The following TENM2 variants were observed in gnomAD, a reference collection of about 807,000 sequenced individuals.
TENM2 encodes teneurin-2.
Under a neutral mutation model 245.2 loss-of-function variants are expected in TENM2, and 52 were observed. The observed-to-expected ratio is 0.21, with a 90% confidence interval of 0.17 to 0.27. TENM2 has a LOEUF of 0.27. Among genes scored for constraint, TENM2 ranks in the 10% least tolerant of loss-of-function variants. The pLI, the probability that TENM2 is intolerant of heterozygous loss-of-function variation, is 1.00. For synonymous variants in TENM2, 1,363 were observed against 1,438.9 expected, an observed-to-expected ratio of 0.95 and a Z score of 1.19; for missense variants, 3,046 against 3,666.8, an observed-to-expected ratio of 0.83 and a Z score of 4.37.
the TENM2 span, among the ~76,000 whole-genome samples, chr5:167,113,435 A>T: frequency 6.6e-6 from 1 of 151,954 alleles, no homozygotes; most frequent in Non-Finnish European, 1.5e-5. Flanking sequence ...GAGCCTAGGA[A>T]TTGGAAACCA....
At chr5:167,575,132 A>AC (rs397999854) in intron 2 of TENM2, among the ~76,000 whole-genome samples, 2 of 151,328 alleles carry the variant, frequency 1.3e-5, no homozygotes, top group Admixed American at 6.6e-5. Flanking sequence ...AAAAAAAAAA[A>AC]CAACCCAAAC....
chr5:167,484,014 T>C (rs1014435150), intron 2 of TENM2, among the ~76,000 whole-genome samples: 7 of 152,266 alleles, frequency 4.6e-5, no homozygotes, highest in Middle Eastern at 3.4e-3. Context: ...CATGTACATA[T>C]ATGTATGTCT....
chr5:168,206,190 T>C (rs763908877), intron 19 of TENM2, among the ~76,000 whole-genome samples: 1 of 152,186 alleles, frequency 6.6e-6, no homozygotes, highest in African/African-American at 2.4e-5. Context: ...TTTGAGAGTC[T>C]CTGAGGCCCT....
chr5:167,283,790 T>A (rs751351844), upstream of TENM2, among the ~76,000 whole-genome samples: 4 of 152,266 alleles, frequency 2.6e-5, no homozygotes, highest in South Asian at 8.3e-4. Flanking sequence ...AGCCTATGAT[T>A]TGGAACTTGG....
the TENM2 span, among the ~76,000 whole-genome samples, chr5:167,216,603 A>T: frequency 6.6e-6 from 1 of 152,212 alleles, no homozygotes; most frequent in South Asian, 2.1e-4. Context: ...GCAGCCAGAT[A>T]GCAGATATCT....
At chr5:168,123,493 G>T (rs1244804010) in intron 10 of TENM2, among the ~76,000 whole-genome samples, 2 of 152,234 alleles carry the variant, frequency 1.3e-5, no homozygotes, top group Non-Finnish European at 2.9e-5. Context: ...TGTGGAAGGA[G>T]AGAAAACAAA....
At chr5:167,373,151 T>C (rs941709264) in intron 1 of TENM2, among the ~76,000 whole-genome samples, 2 of 152,224 alleles carry the variant, frequency 1.3e-5, no homozygotes, top group African/African-American at 4.8e-5. Flanking sequence ...TGTATAGAAT[T>C]GGGCTTGATT....
intron 2 of TENM2, among the ~76,000 whole-genome samples, chr5:167,591,081 T>A (rs1775846853): frequency 6.6e-6 from 1 of 152,208 alleles, no homozygotes. Flanking sequence ...GCAAGAGAGT[T>A]CTCATTGCTC....
the TENM2 span, among the ~76,000 whole-genome samples, chr5:167,249,217 A>G: frequency 5.1e-4 from 78 of 152,314 alleles, no homozygotes; most frequent in African/African-American, 1.8e-3. Context: ...TTCAAATTGA[A>G]ACATTGTTGA....
intron 2 of TENM2, among the ~76,000 whole-genome samples, chr5:167,435,198 G>A (rs754390258): frequency 2.0e-5 from 3 of 152,170 alleles, no homozygotes; most frequent in Admixed American, 6.5e-5. Flanking sequence ...GGAGAATACT[G>A]TGTAGTCAAT....
chr5:167,035,463 G>A, the TENM2 span, among the ~76,000 whole-genome samples: 1 of 152,196 alleles, frequency 6.6e-6, no homozygotes, highest in Non-Finnish European at 1.5e-5. Context: ...ATTATTTGAT[G>A]TTAGCCACTG....
the TENM2 span, among the ~76,000 whole-genome samples, chr5:166,994,423 A>T: frequency 6.6e-6 from 1 of 152,160 alleles, no homozygotes; most frequent in South Asian, 2.1e-4. Flanking sequence ...TTTGGGGCTG[A>T]GTATTTCAGG....
intron 2 of TENM2, among the ~76,000 whole-genome samples, chr5:167,760,650 T>C (rs971157529): frequency 6.6e-6 from 1 of 152,042 alleles, no homozygotes; most frequent in African/African-American, 2.4e-5. Flanking sequence ...CTTGTTATTG[T>C]TGTTGTTGCT....
chr5:167,099,107 C>A, the TENM2 span, among the ~76,000 whole-genome samples: 1 of 152,128 alleles, frequency 6.6e-6, no homozygotes, highest in Admixed American at 6.6e-5. Flanking sequence ...TGAAGCCTGA[C>A]CAACTAGCCT....
In TENM2 at chr5:168,223,631, T is replaced by TA. The variant is rs908817494; in HGVS notation, c.5109-2455dup. On this transcript the variant is annotated intron_variant, in intron 23 of 28. Coordinates refer to ENST00000518659, the Ensembl canonical transcript of TENM2. ...ACAGGCACACGGCACTGCGCCCAGC[T>TA]AATTTTTGTATTTTTAGTAGAGACA... Among the ~76,000 whole-genome samples the TA allele has an allele frequency of 1.2e-4, 18 of 152,156 alleles. No homozygotes were observed. In the Middle Eastern group the frequency reaches 0.014, roughly 115 times the overall value.
At chr5:167,859,757 C>G (rs1342175480) in intron 2 of TENM2, among the ~76,000 whole-genome samples, 2 of 97,114 alleles carry the variant, frequency 2.1e-5, no homozygotes, top group African/African-American at 9.8e-5. Context: ...CCCGCCCGGC[C>G]AGCCGCCCTG....
the TENM2 span, among the ~76,000 whole-genome samples, chr5:167,266,427 A>G: frequency 1.3e-5 from 2 of 152,174 alleles, no homozygotes; most frequent in Admixed American, 6.5e-5. Flanking sequence ...CTGTACATAG[A>G]GTGCTTTTTA....
the TENM2 span, among the ~76,000 whole-genome samples, chr5:167,260,343 G>A: frequency 1.3e-5 from 2 of 152,182 alleles, no homozygotes; most frequent in South Asian, 2.1e-4. Flanking sequence ...TTAATGTTGT[G>A]GAATGACAGT....
At chr5:168,012,844 C>G (rs1785355357) in intron 5 of TENM2, among the ~76,000 whole-genome samples, 1 of 150,240 alleles carries the variant, frequency 6.7e-6, no homozygotes, top group Non-Finnish European at 1.5e-5. Context: ...ACCTTACTAG[C>G]TAGATGTCCA....
Sources: allele counts gnomAD v4.1 joint callset (sites outside exome capture counted in the v4.1 genomes callset), GRCh38; gene constraint gnomAD v4.1.1; transcripts MANE v1.5; gene names NCBI Gene and HGNC (gene_info 2026-07-23, HGNC 2026-07-21).